The following TIAM2 variants were observed in gnomAD, a reference collection of about 807,000 sequenced individuals.
TIAM2 encodes TIAM Rac1 associated GEF 2, also known as rho guanine nucleotide exchange factor TIAM2.
Under a neutral mutation model 152.9 loss-of-function variants are expected in TIAM2, and 80 were observed. The observed-to-expected ratio is 0.52, with a 90% CI of 0.44 to 0.63. TIAM2 has a LOEUF of 0.63. Ranked by LOEUF, TIAM2 falls within the 30% of genes least tolerant of loss-of-function variation. The pLI is 0.00. For missense variants in TIAM2, 1,965 were observed against 2,120.1 expected, an observed-to-expected ratio of 0.93 and a Z score of 1.44; for synonymous variants, 804 against 838.0, an observed-to-expected ratio of 0.96 and a Z score of 0.70.
At chr6:155,109,692 C>G (rs527481663) in intron 2 of TIAM2, among the ~76,000 whole-genome samples, 49 of 152,186 alleles carry the variant, frequency 3.2e-4, no homozygotes, top group African/African-American at 1.2e-3. Flanking sequence ...AACGTTAGAG[C>G]TGAAAATGGA....
chr6:155,215,687 T>C (rs1387925652), intron 15 of TIAM2, among the ~76,000 whole-genome samples: 1 of 151,616 alleles, frequency 6.6e-6, no homozygotes, highest in East Asian at 1.9e-4. Flanking sequence ...GGATCACATT[T>C]TTTTTTCTGT....
At chr6:155,001,506 G>A (rs1444899664) in intron 1 of TIAM2, among the ~76,000 whole-genome samples, 8 of 152,276 alleles carry the variant, frequency 5.3e-5, no homozygotes, top group African/African-American at 2.4e-5. Context: ...GATGGTTACC[G>A]CCAGCAGACA....
At chr6:155,191,656 G>A (rs1781208108) in intron 14 of TIAM2, among the ~76,000 whole-genome samples, 2 of 152,172 alleles carry the variant, frequency 1.3e-5, no homozygotes, top group African/African-American at 2.4e-5. Flanking sequence ...GCCAGGCGTT[G>A]TGGCGCACAC....
intron 11 of TIAM2, 91 bp from the exon 12 acceptor site, chr6:155,179,287 C>T: frequency 6.8e-7 from 1 of 1,470,928 alleles, no homozygotes; most frequent in Non-Finnish European, 9.5e-7. Context: ...ATCTTAACAG[C>T]TTTCTTGTTT....
At chr6:155,256,313 G>C in intron 26 of TIAM2, 171 bp from the exon 27 acceptor site, 3 of 941,866 alleles carry the variant, frequency 3.2e-6, no homozygotes, top group Non-Finnish European at 3.1e-6. Context: ...AGTCAAAAAT[G>C]TCCATGTTTT....
intron 2 of TIAM2, among the ~76,000 whole-genome samples, chr6:155,110,318 C>CTTTCTTTTT (rs1554231077): frequency 7.5e-6 from 1 of 133,800 alleles, no homozygotes; most frequent in Non-Finnish European, 1.6e-5. Flanking sequence ...TCTTTCTTTT[C>CTTTCTTTTT]TTTTTTTTTT....
Position 155,257,125 on chromosome 6 carries a change from G to C in TIAM2, c.*4G>C. The C allele has an allele frequency of 6.7e-7, 1 of 1,492,186 alleles. No homozygotes were observed. The highest frequency in any genetic ancestry group is 1.1e-5 in the South Asian group (1 of 89,386). The allele number at this position is 1,492,186 out of a possible 1,614,324, so 92.4% of individuals were successfully genotyped here. A position where few individuals can be genotyped will look rare whatever the true frequency, so the allele number is the denominator to read the frequency against. On this transcript the variant is annotated 3_prime_UTR_variant, in exon 27 of 27. Transcript: ENST00000682666. ...AGAGAGCCACGGAAAATCATAGTAT[G>C]ATTCAATCCAGATATGGGTTAAATT...
At chr6:155,048,804 T>G (rs1213921570) in intron 1 of TIAM2, among the ~76,000 whole-genome samples, 1 of 151,938 alleles carries the variant, frequency 6.6e-6, no homozygotes, top group Non-Finnish European at 1.5e-5. Flanking sequence ...ACTCTTTGTT[T>G]TTTTTTTTTG....
At chr6:155,224,663 C>A (rs978349563) in intron 15 of TIAM2, among the ~76,000 whole-genome samples, 5 of 152,240 alleles carry the variant, frequency 3.3e-5, no homozygotes, top group Non-Finnish European at 7.3e-5. Flanking sequence ...CCCTTCCACA[C>A]CCCGACTGTG....
rs1290499274 is a variant in TIAM2 at position 155,183,511 on chromosome 6, G to A, written c.3064+11G>A. ...AGAATACAGCCAATGGTAAGGCTTTGTTCTGTCTTCCTTCTTAACTGCTGG... is the reference window on the plus strand; with the variant it reads ...AGAATACAGCCAATGGTAAGGCTTTATTCTGTCTTCCTTCTTAACTGCTGG... On this transcript the variant is annotated intron_variant, in intron 14 of 26. Coordinates refer to ENST00000682666, the MANE Select transcript of TIAM2 (RefSeq NM_012454.4). 2.5e-6 allele frequency: 4 copies of A among 1,596,764 alleles called. No individual in the cohort carries two copies. In the African/African-American group the frequency reaches 4.0e-5, roughly 16 times the overall value.
chr6:155,169,541 G>T (rs1331163295), intron 9 of TIAM2, among the ~76,000 whole-genome samples: 1 of 152,164 alleles, frequency 6.6e-6, no homozygotes, highest in Admixed American at 6.5e-5. Context: ...CTTCGTTTGA[G>T]AGTTCAGTGA....
intron 2 of TIAM2, among the ~76,000 whole-genome samples, chr6:155,109,922 A>G (rs1368652846): frequency 1.3e-5 from 2 of 150,374 alleles, no homozygotes; most frequent in Non-Finnish European, 3.0e-5. Flanking sequence ...CATGTGTGCA[A>G]ATATATACAG....
intron 14 of TIAM2, among the ~76,000 whole-genome samples, chr6:155,207,976 C>G (rs949252244): frequency 1.3e-5 from 2 of 152,120 alleles, no homozygotes; most frequent in Non-Finnish European, 2.9e-5. Flanking sequence ...GCTATATTTT[C>G]ACTAGCATCC....
At chr6:155,226,626 C>T (rs1001397933) in intron 15 of TIAM2, among the ~76,000 whole-genome samples, 9 of 147,410 alleles carry the variant, frequency 6.1e-5, no homozygotes, top group East Asian at 5.9e-4. Flanking sequence ...GATCGTGCCA[C>T]TGCACTCCAG....
chr6:155,002,979 C>G (rs1778338682), intron 1 of TIAM2, among the ~76,000 whole-genome samples: 1 of 152,096 alleles, frequency 6.6e-6, no homozygotes, highest in Non-Finnish European at 1.5e-5. Context: ...TAGGTGTGAG[C>G]CACTGAGCCC....
chr6:155,177,538 A>G (rs903050544), intron 10 of TIAM2, among the ~76,000 whole-genome samples: 7 of 152,240 alleles, frequency 4.6e-5, no homozygotes, highest in Non-Finnish European at 8.8e-5. Context: ...ACATCAGATC[A>G]GAAGCTTTTA....
chr6:155,244,953 C>T, intron 18 of TIAM2, 170 bp downstream of exon 18: 1 of 850,278 alleles, frequency 1.2e-6, no homozygotes, highest in Non-Finnish European at 1.6e-6. Flanking sequence ...TAAAGGAAGG[C>T]TGTATATATT....
At chr6:155,038,169 A>T (rs1776957053) in intron 1 of TIAM2, among the ~76,000 whole-genome samples, 1 of 152,190 alleles carries the variant, frequency 6.6e-6, no homozygotes, top group Non-Finnish European at 1.5e-5. Flanking sequence ...GGATGGTAAT[A>T]AGTTTAAGAA....
intron 1 of TIAM2, among the ~76,000 whole-genome samples, chr6:155,027,273 G>A (rs1345053362): frequency 6.6e-6 from 1 of 150,628 alleles, no homozygotes; most frequent in Admixed American, 6.7e-5. Context: ...TGATCCACTT[G>A]CCTGGGCCTC....
Sources: allele counts gnomAD v4.1 joint callset (sites outside exome capture counted in the v4.1 genomes callset), GRCh38; gene constraint gnomAD v4.1.1; transcripts MANE v1.5; gene names NCBI Gene and HGNC (gene_info 2026-07-23, HGNC 2026-07-21).